Variants in CSE1L observed in about 807,000 individuals in gnomAD.
CSE1L encodes the protein chromosome segregation 1 like.
In CSE1L, 24 loss-of-function variants were observed where a neutral mutation model predicts 120.4. The observed-to-expected ratio is 0.20, with a 90% CI of 0.14 to 0.28. The LOEUF (loss-of-function observed/expected upper bound fraction) is 0.28. Ranked by LOEUF, CSE1L falls within the 10% of genes least tolerant of loss-of-function variation. The pLI, the probability that CSE1L is intolerant of heterozygous loss-of-function variation, is 1.00. For missense variants in CSE1L, 830 were observed against 1,145.2 expected, an observed-to-expected ratio of 0.72 and a Z score of 3.97; for synonymous variants, 402 against 398.3, an observed-to-expected ratio of 1.01 and a Z score of -0.11.
Position 49,089,278 on chromosome 20 carries a change from T to C in CSE1L, c.1853T>C (p.Met618Thr). 6.2e-7 allele frequency: 1 copy of C among 1,603,678 alleles called. No homozygotes were observed. The highest frequency in any genetic ancestry group is 8.5e-7 in the Non-Finnish European group (1 of 1,177,426). The stretch of plus-strand genomic sequence containing the variant: ...AGCAAACCTCACTTTAATCACTACA[T>C]GTTTGAAGCAATATGTTTATCCATA... ...NPSKPHFNHY[M>T]FEAICLSIRI... The change falls in exon 18 of 25, where the codon ATG becomes ACG. Residue 618 changes from methionine to threonine, a missense_variant. By Grantham distance (81) the Met-to-Thr change is moderately conservative. Transcript: ENST00000262982.
intron 1 of CSE1L, among the ~76,000 whole-genome samples, chr20:49,054,852 C>T (rs1336275009): frequency 2.0e-5 from 3 of 152,262 alleles, no homozygotes; most frequent in Non-Finnish European, 2.9e-5. Context: ...CTTCCCATCT[C>T]TGTTACTTTG....
chr20:49,078,680 AC>A, intron 14 of CSE1L, 58 bp downstream of exon 14: 1 of 1,131,710 alleles, frequency 8.8e-7, no homozygotes, highest in Non-Finnish European at 1.3e-6. Flanking sequence ...TTTATTATGT[AC>A]CACCTTCTCA....
At chr20:49,051,992 G>A (rs1331432685) in intron 1 of CSE1L, among the ~76,000 whole-genome samples, 1 of 152,184 alleles carries the variant, frequency 6.6e-6, no homozygotes, top group African/African-American at 2.4e-5. Flanking sequence ...CATTCTGCCA[G>A]GCCAGAACAA....
chr20:49,063,846 A>G (rs2091870420), intron 3 of CSE1L, among the ~76,000 whole-genome samples: 1 of 152,258 alleles, frequency 6.6e-6, no homozygotes, highest in Admixed American at 6.5e-5. Context: ...AATGCAAAAT[A>G]ATTTAGATTT....
At chr20:49,094,330 C>T in intron 23 of CSE1L, 44 bp downstream of exon 23, 1 of 1,567,130 alleles carries the variant, frequency 6.4e-7, no homozygotes. Flanking sequence ...CAGCTTCCTT[C>T]CCATATGACT....
chr20:49,068,564 G>T, intron 6 of CSE1L, 151 bp from the exon 7 acceptor site: 1 of 531,860 alleles, frequency 1.9e-6, no homozygotes, highest in South Asian at 2.6e-5. Flanking sequence ...GTGCCACTGC[G>T]CTCCAGCCTG....
At chr20:49,085,555 A>G (rs1240638739) in intron 16 of CSE1L, among the ~76,000 whole-genome samples, 169 bp downstream of exon 16, 1 of 133,066 alleles carries the variant, frequency 7.5e-6, no homozygotes, top group Non-Finnish European at 1.6e-5. Flanking sequence ...GTTTACTACT[A>G]ACAATAATTT....
chr20:49,077,153 C>CTTTTTTTTTTT (rs11439721), intron 13 of CSE1L, 89 bp downstream of exon 13: 226 of 402,526 alleles, frequency 5.6e-4, no homozygotes, highest in Admixed American at 7.5e-4. Context: ...CCCTTTTGTT[C>CTTTTTTTTTTT]TTTTTTTTTT....
chr20:49,095,645 A>C (rs2092133772), intron 24 of CSE1L, among the ~76,000 whole-genome samples: 1 of 152,098 alleles, frequency 6.6e-6, no homozygotes, highest in Admixed American at 6.6e-5. Flanking sequence ...CTCAGAAATT[A>C]ATAGATCATG....
chr20:49,096,354 A>G lies in CSE1L; in HGVS notation c.2832A>G (p.Pro944=). 6.2e-7 allele frequency: 1 copy of G among 1,613,720 alleles called. No homozygotes were observed. The highest frequency in any genetic ancestry group is 8.5e-7 in the Non-Finnish European group (1 of 1,179,720). The change falls in exon 25 of 25, where the codon CCA becomes CCG. Residue 944 remains proline (P), a synonymous_variant. Coordinates refer to ENST00000262982, the MANE Select transcript of CSE1L (RefSeq NM_001316.4). ...GTGTTTCCCATCTCTTGTAGGTTCC[A>G]TCAATGGTGAGCACCAGCCTGAATG... ...KLSTACPGRV[P]SMVSTSLNAE... is the part of the protein sequence containing the mutation.
intron 2 of CSE1L, among the ~76,000 whole-genome samples, chr20:49,060,977 A>G (rs936874723): frequency 6.6e-6 from 1 of 152,132 alleles, no homozygotes; most frequent in African/African-American, 2.4e-5. Context: ...TATATTATGT[A>G]TGATGACTAG....
intron 6 of CSE1L, among the ~76,000 whole-genome samples, chr20:49,068,476 A>G (rs1480811253): frequency 2.6e-5 from 4 of 152,108 alleles, no homozygotes; most frequent in East Asian, 3.8e-4. Flanking sequence ...GCAGGCACCT[A>G]TAGTCCCAGC....
Position 49,066,465 on chromosome 20 carries a change from A to C in CSE1L, c.431A>C (p.His144Pro). ...MVNRFQSGDF[H>P]VINGVLRTAH... ...AATCGCTTTCAGAGTGGAGATTTCC[A>C]TGTTATTAATGGAGTCCTCCGTACA... Residue 144 changes from histidine (H) to proline (P), a missense_variant, in exon 5 of 25, where the codon CAT becomes CCT. This residue lies in a region of CSE1L where 543 missense variants were observed against 640.2 expected (regional missense o/e 0.85). Coordinates refer to ENST00000262982, the MANE Select transcript of CSE1L (RefSeq NM_001316.4). 6.2e-7 allele frequency: 1 copy of C among 1,614,176 alleles called. No homozygotes were observed. Among genetic ancestry groups the C allele is most frequent in the African/African-American group, 1.3e-5 (1 of 75,058 alleles).
chr20:49,060,186 A>T (rs2091840902), intron 2 of CSE1L, among the ~76,000 whole-genome samples: 1 of 60,644 alleles, frequency 1.6e-5, no homozygotes, highest in Non-Finnish European at 3.3e-5. Context: ...TCTTGTCTTA[A>T]AAAAAAAAAA....
chr20:49,076,293 T>C (rs2091967883), intron 12 of CSE1L, among the ~76,000 whole-genome samples: 1 of 152,136 alleles, frequency 6.6e-6, no homozygotes. Context: ...GTTCAAGTGA[T>C]TCTCCTGCCT....
intron 14 of CSE1L, among the ~76,000 whole-genome samples, chr20:49,080,336 C>T (rs979844949): frequency 3.3e-5 from 5 of 150,142 alleles, no homozygotes; most frequent in African/African-American, 1.2e-4. Context: ...GCCTCAGCGT[C>T]CCAAGTAGCT....
intron 3 of CSE1L, among the ~76,000 whole-genome samples, chr20:49,063,965 A>T (rs1011541005): frequency 2.6e-5 from 4 of 152,254 alleles, no homozygotes; most frequent in African/African-American, 9.6e-5. Context: ...GTAAATTATA[A>T]ATTAAGAAAC....
chr20:49,095,051 TTGG>T (rs1172163608), intron 24 of CSE1L, 88 bp downstream of exon 24: 4 of 996,378 alleles, frequency 4.0e-6, no homozygotes, highest in Non-Finnish European at 6.2e-6. Flanking sequence ...TCTGTTTTCA[TTGG>T]TGGGCGTAAT....
chr20:49,066,403 TC>T lies in CSE1L; in HGVS notation c.371del (p.Pro124HisfsTer8). 6.2e-7 allele frequency: 1 copy of T among 1,614,222 alleles called. No individual in the cohort carries two copies. The highest frequency in any genetic ancestry group is 8.5e-7 in the Non-Finnish European group (1 of 1,180,030). On this transcript the variant is annotated frameshift_variant, in exon 5 of 25. Transcript: ENST00000262982. LOFTEE classifies it high-confidence loss of function. Reference sequence around the variant, plus strand: ...TTAGCATTATTGGCAGAGAAGATTTTCCACAGAAATGGCCTGACTTGCTGAC... The same window carrying T: ...TTAGCATTATTGGCAGAGAAGATTTTCACAGAAATGGCCTGACTTGCTGAC... ...AISIIGREDF[P>X]QKWPDLLTEM... is the part of the protein sequence containing the mutation.
Sources: gnomAD v4.1 joint callset for allele counts (sites outside exome capture counted in the v4.1 genomes callset) on GRCh38, gnomAD v4.1.1 for gene constraint, gnomAD v4.1.1 regional missense constraint, MANE v1.5 for transcripts, NCBI Gene and HGNC (gene_info 2026-07-23, HGNC 2026-07-21) for gene names.